EIPR1: variants seen among roughly 807,000 people sequenced by gnomAD.
The protein encoded by EIPR1 is EARP and GARP complex-interacting protein 1.
Under a neutral mutation model 48.1 loss-of-function variants are expected in EIPR1, and 25 were observed. The observed-to-expected ratio is 0.52, with a 90% CI of 0.38 to 0.73. The LOEUF is 0.73. Ranked by LOEUF, EIPR1 falls within the 30% of genes least tolerant of loss-of-function variation. The pLI is 0.00. For synonymous variants in EIPR1, 204 were observed against 201.9 expected, an observed-to-expected ratio of 1.01 and a Z score of -0.09; for missense variants, 415 against 506.2, an observed-to-expected ratio of 0.82 and a Z score of 1.73.
At chr2:3,192,602 G>A in intron 7 of EIPR1, 21 bp from the exon 8 acceptor site, 1 of 1,606,200 alleles carries the variant, frequency 6.2e-7, no homozygotes, top group Non-Finnish European at 8.5e-7. Context: ...CAAGGCAGCT[G>A]CTGAAATGAA....
chr2:3,212,636 C>T (rs1665496411), intron 5 of EIPR1, among the ~76,000 whole-genome samples: 1 of 152,168 alleles, frequency 6.6e-6, no homozygotes, highest in Admixed American at 6.5e-5. Flanking sequence ...CATCGCCTTC[C>T]ACCATGACCA....
At chr2:3,287,210 C>CTCCAGAAAGCTCGTTCACCACAA (rs879551567) in intron 3 of EIPR1, among the ~76,000 whole-genome samples, 2 of 150,616 alleles carry the variant, frequency 1.3e-5, no homozygotes, top group Non-Finnish European at 1.5e-5. Flanking sequence ...GTTCACCACG[C>CTCCAGAAAGCTCGTTCACCACAA]TCCAGAAAGC....
intron 1 of EIPR1, among the ~76,000 whole-genome samples, chr2:3,368,832 A>T (rs982398501): frequency 6.6e-6 from 1 of 152,222 alleles, no homozygotes; most frequent in African/African-American, 2.4e-5. Flanking sequence ...ATATAATTAT[A>T]AAAAAATCCA....
intron 3 of EIPR1, among the ~76,000 whole-genome samples, chr2:3,304,112 T>C (rs1436514705): frequency 6.6e-6 from 1 of 152,146 alleles, no homozygotes; most frequent in Non-Finnish European, 1.5e-5. Context: ...TCTGAAGGGC[T>C]GGAAACGCCC....
At chr2:3,356,601 C>A (rs1344160907) in intron 1 of EIPR1, among the ~76,000 whole-genome samples, 5 of 152,178 alleles carry the variant, frequency 3.3e-5, no homozygotes, top group Non-Finnish European at 5.9e-5. Flanking sequence ...CATTCTAATC[C>A]CCAGAACCTG....
intron 2 of EIPR1, among the ~76,000 whole-genome samples, chr2:3,350,957 A>G (rs527554804): frequency 6.3e-4 from 96 of 151,504 alleles, no homozygotes; most frequent in African/African-American, 2.0e-3. Context: ...AAAAAAAAAA[A>G]AAAAACAAAT....
intron 4 of EIPR1, among the ~76,000 whole-genome samples, chr2:3,232,165 T>C (rs1431063899): frequency 2.6e-5 from 4 of 152,356 alleles, no homozygotes; most frequent in African/African-American, 9.6e-5. Context: ...GAACCATTTA[T>C]ATTGTCTCTT....
intron 4 of EIPR1, among the ~76,000 whole-genome samples, chr2:3,216,306 T>A (rs574877012): frequency 2.0e-5 from 3 of 152,094 alleles, no homozygotes; most frequent in African/African-American, 7.2e-5. Context: ...ATCTCACTTA[T>A]AACTCACGTG....
chr2:3,349,532 C>T lies in EIPR1; in HGVS notation c.126+5018G>A, dbSNP rs79694288. Among the ~76,000 whole-genome samples, 1,493 of 152,320 alleles carry T rather than the reference C, an allele frequency of 9.8e-3. 164 individuals carry two copies. In the East Asian group the frequency reaches 0.23, roughly 24 times the overall value. On this transcript the variant is annotated intron_variant, in intron 2 of 8. Transcript: ENST00000382125. ...CACCACAAGACGGGGATAAGGAGGA[C>T]GCTGGGAGACCAGGACAGGGAGGAT...
chr2:3,326,021 G>A (rs1558299780), intron 3 of EIPR1, among the ~76,000 whole-genome samples: 1 of 152,214 alleles, frequency 6.6e-6, no homozygotes, highest in Non-Finnish European at 1.5e-5. Flanking sequence ...TGTGCCAGGG[G>A]CTCCTGAGGC....
intron 2 of EIPR1, among the ~76,000 whole-genome samples, chr2:3,348,153 G>A (rs1670461247): frequency 6.6e-6 from 1 of 152,198 alleles, no homozygotes; most frequent in African/African-American, 2.4e-5. Flanking sequence ...TGCAGAACCA[G>A]ATGCAGAACC....
At chr2:3,262,100 C>G (rs1028668708) in intron 3 of EIPR1, 1 of 152,196 alleles carries the variant, frequency 6.6e-6, no homozygotes. Context: ...CCCTCAGGCA[C>G]ATGATGTGTG....
chr2:3,330,678 T>A (rs547333855), intron 3 of EIPR1, among the ~76,000 whole-genome samples: 6 of 149,072 alleles, frequency 4.0e-5, no homozygotes, highest in South Asian at 2.1e-4. Flanking sequence ...TGCACACACA[T>A]GAGACAGTGT....
chr2:3,229,441 C>A (rs1215060630), intron 4 of EIPR1, among the ~76,000 whole-genome samples: 2 of 152,246 alleles, frequency 1.3e-5, no homozygotes, highest in Non-Finnish European at 2.9e-5. Context: ...CAGACTCATT[C>A]TGGCATGAGA....
At chr2:3,261,461 C>T (rs945104532) in intron 3 of EIPR1, among the ~76,000 whole-genome samples, 15 of 152,196 alleles carry the variant, frequency 9.9e-5, no homozygotes, top group African/African-American at 3.1e-4. Context: ...TCAGATTCCC[C>T]ACGGGTTAGG....
chr2:3,214,566 T>G lies in EIPR1; in HGVS notation c.417-318A>C, dbSNP rs561140646. The G allele has an allele frequency of 5.3e-5, 11 of 206,738 alleles. No individual in the cohort carries two copies. The East Asian group carries it at 1.4e-3, about 25-fold the overall frequency. The allele number at this position is 206,738 out of a possible 1,614,324, so 12.8% of individuals were successfully genotyped here. ...GTCGTAAGTTTAAAATACCGTGAGCTGAAAATGCAGTGGATGCACCTAACC... is the reference window on the plus strand; with the variant it reads ...GTCGTAAGTTTAAAATACCGTGAGCGGAAAATGCAGTGGATGCACCTAACC... On this transcript the variant is annotated intron_variant, in intron 4 of 8. Transcript: ENST00000382125.
intron 4 of EIPR1, among the ~76,000 whole-genome samples, chr2:3,248,593 C>A (rs374063779): frequency 2.8e-4 from 43 of 151,446 alleles, no homozygotes; most frequent in African/African-American, 9.9e-4. Flanking sequence ...GACTCCGTCT[C>A]GAAAAAGAAA....
chr2:3,210,756 G>A (rs1262149994), intron 5 of EIPR1, among the ~76,000 whole-genome samples: 4 of 151,244 alleles, frequency 2.6e-5, no homozygotes, highest in South Asian at 2.1e-4. Flanking sequence ...CTAGCCTCCT[G>A]AGTAGCTGAG....
At chr2:3,318,680 G>C (rs1669393170) in intron 3 of EIPR1, among the ~76,000 whole-genome samples, 1 of 152,132 alleles carries the variant, frequency 6.6e-6, no homozygotes, top group South Asian at 2.1e-4. Flanking sequence ...TTCATATCCA[G>C]AACCAGGACT....
Sources: allele counts gnomAD v4.1 joint callset (sites outside exome capture counted in the v4.1 genomes callset), GRCh38; gene constraint gnomAD v4.1.1; transcripts MANE v1.5; gene names NCBI Gene and HGNC (gene_info 2026-07-23, HGNC 2026-07-21).